Variants in CATSPERB observed in about 807,000 individuals in gnomAD.
CATSPERB encodes cation channel sperm-associated auxiliary subunit beta.
In CATSPERB, 93 loss-of-function variants were observed where a neutral mutation model predicts 128.3. The ratio of observed to expected loss-of-function variants is 0.72; its 90% CI spans 0.61 to 0.86. The LOEUF (loss-of-function observed/expected upper bound fraction) is 0.86, where lower values mean the gene tolerates loss of function less well. Ranked by LOEUF, CATSPERB falls within the 40% of genes least tolerant of loss-of-function variation. The probability of loss-of-function intolerance (pLI) is 0.00; values close to 1 mark genes in which losing one functional copy is unlikely to be tolerated. For missense variants in CATSPERB, 1,153 were observed against 1,329.5 expected, an observed-to-expected ratio of 0.87 and a Z score of 2.06; for synonymous variants, 381 against 448.8, an observed-to-expected ratio of 0.85 and a Z score of 1.91.
At chr14:91,588,668 A>G (rs998057653) in intron 24 of CATSPERB, among the ~76,000 whole-genome samples, 2 of 152,168 alleles carry the variant, frequency 1.3e-5, no homozygotes, top group African/African-American at 4.8e-5. Flanking sequence ...GTAATTTCCA[A>G]TTTCCATAGT....
intron 22 of CATSPERB, among the ~76,000 whole-genome samples, chr14:91,594,748 TA>T (rs1343868413): frequency 1.3e-5 from 2 of 151,512 alleles, no homozygotes; most frequent in Non-Finnish European, 1.5e-5. Context: ...GGAGAAAAAA[TA>T]AAAAATTAAA....
chr14:91,634,414 G>C (rs534996745), intron 17 of CATSPERB, among the ~76,000 whole-genome samples: 10 of 151,870 alleles, frequency 6.6e-5, no homozygotes, highest in African/African-American at 2.2e-4. Flanking sequence ...TGTACTGGCA[G>C]GTAATAAGAT....
At chr14:91,708,087 AG>A in intron 6 of CATSPERB, 53 bp downstream of exon 6, 1 of 1,228,304 alleles carries the variant, frequency 8.1e-7, no homozygotes, top group South Asian at 1.2e-5. Context: ...CGGATGTCAA[AG>A]TTTGTTGAAA....
chr14:91,599,869 C>T (rs572141452), intron 22 of CATSPERB, among the ~76,000 whole-genome samples: 1 of 152,320 alleles, frequency 6.6e-6, no homozygotes, highest in South Asian at 2.1e-4. Flanking sequence ...AGATATGAAT[C>T]TATCTCAGTG....
chr14:91,659,622 A>G (rs1209037538), intron 15 of CATSPERB, among the ~76,000 whole-genome samples: 1 of 152,242 alleles, frequency 6.6e-6, no homozygotes, highest in African/African-American at 2.4e-5. Flanking sequence ...ACAGTAAAAT[A>G]TCTCTGAAAT....
intron 20 of CATSPERB, among the ~76,000 whole-genome samples, chr14:91,616,247 T>G (rs1289645416): frequency 6.6e-6 from 1 of 152,202 alleles, no homozygotes; most frequent in Non-Finnish European, 1.5e-5. Context: ...GTGTTCCCTT[T>G]TCTCCACATT....
intron 17 of CATSPERB, among the ~76,000 whole-genome samples, chr14:91,632,067 TAGAA>T (rs1173332062): frequency 2.0e-5 from 3 of 151,636 alleles, no homozygotes; most frequent in Non-Finnish European, 2.9e-5. Context: ...GTGGGACAAA[TAGAA>T]AGTACAAAAG....
chr14:91,608,821 A>G (rs994192272), intron 21 of CATSPERB, among the ~76,000 whole-genome samples: 1 of 152,194 alleles, frequency 6.6e-6, no homozygotes, highest in Non-Finnish European at 1.5e-5. Flanking sequence ...AGTTAAAATT[A>G]TTACATTGAA....
chr14:91,629,098 A>C (rs995881696), intron 17 of CATSPERB, among the ~76,000 whole-genome samples: 1 of 152,236 alleles, frequency 6.6e-6, no homozygotes, highest in African/African-American at 2.4e-5. Context: ...ATAATTGCTA[A>C]AACTTGGAAG....
At chr14:91,696,267 C>G (rs181832534) in intron 7 of CATSPERB, among the ~76,000 whole-genome samples, 7 of 152,122 alleles carry the variant, frequency 4.6e-5, no homozygotes, top group Non-Finnish European at 1.0e-4. Flanking sequence ...TTAGGGGTCA[C>G]ACCAAAAAGG....
Position 91,636,456 on chromosome 14 carries a change from T to C in CATSPERB, c.1711A>G (p.Asn571Asp). Residue 571 changes from asparagine (N) to aspartate (D), a missense_variant, in exon 17 of 27, where the codon AAT becomes GAT. Transcript: ENST00000256343. ...TGTATCACTTTTCCATAGTGTATAT[T>C]GCCGAACTTCTTGCTGTAGATCGTT... ...QETIYSKKFGNIHYGKVIHSG... is the reference protein window; with the variant it reads ...QETIYSKKFGDIHYGKVIHSG... 6.2e-7 allele frequency: 1 copy of C among 1,614,160 alleles called. No homozygotes were observed. The highest frequency in any genetic ancestry group is 8.5e-7 in the Non-Finnish European group (1 of 1,180,022).
chr14:91,653,169 T>C (rs952701631), intron 15 of CATSPERB, among the ~76,000 whole-genome samples: 1 of 152,154 alleles, frequency 6.6e-6, no homozygotes, highest in African/African-American at 2.4e-5. Flanking sequence ...CAGAAGAAAC[T>C]GGAGATCAGA....
chr14:91,715,152 G>T (rs1895916220), intron 5 of CATSPERB: 1 of 151,584 alleles, frequency 6.6e-6, no homozygotes, highest in South Asian at 2.1e-4. Flanking sequence ...TTTTTTATGT[G>T]CAAGTTCTCT....
intron 5 of CATSPERB, among the ~76,000 whole-genome samples, chr14:91,714,210 A>G (rs1895892106): frequency 1.3e-5 from 2 of 151,550 alleles, no homozygotes; most frequent in African/African-American, 4.8e-5. Flanking sequence ...AAACAAGGCA[A>G]GGATGTCCTC....
chr14:91,594,569 A>C (rs1893471600), intron 22 of CATSPERB, among the ~76,000 whole-genome samples: 1 of 152,174 alleles, frequency 6.6e-6, no homozygotes, highest in Non-Finnish European at 1.5e-5. Context: ...AAGTCCAATT[A>C]AACCTCTTTC....
chr14:91,656,021 C>A (rs564681656), intron 15 of CATSPERB, among the ~76,000 whole-genome samples: 2 of 152,100 alleles, frequency 1.3e-5, no homozygotes, highest in Middle Eastern at 3.4e-3. Flanking sequence ...ACCTTACAGG[C>A]CAGGAAAAAG....
intron 25 of CATSPERB, 117 bp from the exon 26 acceptor site, chr14:91,587,393 A>G: frequency 1.8e-6 from 1 of 561,282 alleles, no homozygotes; most frequent in South Asian, 4.1e-5. Flanking sequence ...AAAGATTCCC[A>G]TCCTCTTCCT....
chr14:91,637,867 G>A (rs1366821284), intron 16 of CATSPERB, among the ~76,000 whole-genome samples: 2 of 152,106 alleles, frequency 1.3e-5, no homozygotes, highest in Non-Finnish European at 2.9e-5. Context: ...TGTGAAGTTG[G>A]TGAAAAATGA....
intron 5 of CATSPERB, among the ~76,000 whole-genome samples, chr14:91,718,929 T>C (rs1895986259): frequency 6.6e-6 from 1 of 152,160 alleles, no homozygotes; most frequent in Non-Finnish European, 1.5e-5. Context: ...ACTAGGTCAG[T>C]TCACTAGATC....
Sources: gnomAD v4.1 joint callset for allele counts (sites outside exome capture counted in the v4.1 genomes callset) on GRCh38, gnomAD v4.1.1 for gene constraint, MANE v1.5 for transcripts, NCBI Gene and HGNC (gene_info 2026-07-23, HGNC 2026-07-21) for gene names.